PCDH9: variants seen among roughly 807,000 people sequenced by gnomAD.
The protein encoded by PCDH9 is protocadherin-9.
A neutral mutation model predicts 70.6 loss-of-function variants in PCDH9; 24 were observed. That is an observed-to-expected ratio of 0.34 (90% CI 0.25 to 0.48). PCDH9 has a LOEUF of 0.48. PCDH9 is among the 20% of genes least tolerant of loss of function. The pLI is 0.99. For synonymous variants in PCDH9, 562 were observed against 558.5 expected (o/e 1.01, Z -0.09); for missense variants, 1,281 against 1,503.6 (o/e 0.85, Z 2.45).
chr13:67,057,321 G>C (rs1409243914), intron 2 of PCDH9, among the ~76,000 whole-genome samples: 1 of 151,742 alleles, frequency 6.6e-6, no homozygotes, highest in Non-Finnish European at 1.5e-5. Context: ...ATGAGCTTGG[G>C]AAAGAGGTGC....
chr13:67,136,758 G>A (rs2087242393), intron 2 of PCDH9, among the ~76,000 whole-genome samples: 1 of 122,892 alleles, frequency 8.1e-6, no homozygotes, highest in East Asian at 2.1e-4. Context: ...ACAAATGTTA[G>A]TTAATAATAA....
chr13:67,183,122 C>T (rs1054837216), intron 2 of PCDH9, among the ~76,000 whole-genome samples: 7 of 151,964 alleles, frequency 4.6e-5, no homozygotes, highest in African/African-American at 1.4e-4. Flanking sequence ...CTATTTTATG[C>T]CTGGCACTTT....
At chr13:67,131,687 G>A (rs2087115999) in intron 2 of PCDH9, among the ~76,000 whole-genome samples, 1 of 152,090 alleles carries the variant, frequency 6.6e-6, no homozygotes, top group Admixed American at 6.6e-5. Flanking sequence ...TAAAGAAATA[G>A]CATATCAAAG....
At chr13:66,445,262 T>G (rs1191750664) in intron 4 of PCDH9, among the ~76,000 whole-genome samples, 2 of 147,520 alleles carry the variant, frequency 1.4e-5, no homozygotes, top group Admixed American at 6.9e-5. Context: ...AGAAGATAAT[T>G]TCACTAAAAA....
At chr13:67,126,803 C>A (rs2086989747) in intron 2 of PCDH9, among the ~76,000 whole-genome samples, 1 of 152,104 alleles carries the variant, frequency 6.6e-6, no homozygotes, top group African/African-American at 2.4e-5. Flanking sequence ...TGAGCAGAGA[C>A]TGCGCCACTG....
chr13:67,136,858 TAAG>T (rs1465716722), intron 2 of PCDH9, among the ~76,000 whole-genome samples: 1 of 152,108 alleles, frequency 6.6e-6, no homozygotes, highest in Non-Finnish European at 1.5e-5. Context: ...GGTTAGTTTA[TAAG>T]AATAGTAATA....
In PCDH9 at chr13:66,497,814, CTTT is replaced by C. The variant is rs763360211; in HGVS notation, c.3340+133393_3340+133395del. Among the ~76,000 whole-genome samples, 422 of 111,308 alleles carry C rather than the reference CTTT, an allele frequency of 3.8e-3. 1 individual carries two copies. Among genetic ancestry groups the C allele is most frequent in the African/African-American group, 0.013 (398 of 31,732 alleles). 73.0% of individuals were successfully genotyped at this position (111,308 alleles called of 152,430 possible). The stretch of plus-strand genomic sequence containing the variant: ...AGAAAAAGTGCTATACACACTCTTA[CTTT>C]TTTTTTTTTTTTTTTTTTTGAGATG... On this transcript the variant is annotated intron_variant, in intron 4 of 4. Transcript: ENST00000377865.
chr13:66,811,264 G>C (rs997637490), intron 3 of PCDH9, among the ~76,000 whole-genome samples: 6 of 152,176 alleles, frequency 3.9e-5, no homozygotes, highest in African/African-American at 1.4e-4. Context: ...AGATATTCTT[G>C]CTTGCTATTT....
At chr13:66,419,627 T>C (rs61957606) in intron 4 of PCDH9, among the ~76,000 whole-genome samples, 100 of 152,106 alleles carry the variant, frequency 6.6e-4, no homozygotes, top group Non-Finnish European at 1.1e-3. Context: ...CCAGCCAAGA[T>C]GCTATGCTTT....
chr13:67,065,457 G>A (rs2085628874), intron 2 of PCDH9, among the ~76,000 whole-genome samples: 1 of 151,836 alleles, frequency 6.6e-6, no homozygotes, highest in Non-Finnish European at 1.5e-5. Flanking sequence ...AACTTCAACT[G>A]CAGTAAAACC....
intron 4 of PCDH9, among the ~76,000 whole-genome samples, chr13:66,589,335 G>A (rs1289523635): frequency 1.3e-5 from 2 of 151,846 alleles, no homozygotes; most frequent in East Asian, 1.9e-4. Context: ...GATGACTATA[G>A]GTAACAAAAA....
intron 3 of PCDH9, among the ~76,000 whole-genome samples, chr13:66,869,671 TA>T (rs2081638589): frequency 6.6e-6 from 1 of 152,276 alleles, no homozygotes; most frequent in Non-Finnish European, 1.5e-5. Flanking sequence ...AAAGAACTGT[TA>T]AAAAATTAGA....
At chr13:66,711,114 C>T (rs960709477) in intron 3 of PCDH9, among the ~76,000 whole-genome samples, 4 of 152,108 alleles carry the variant, frequency 2.6e-5, no homozygotes, top group Admixed American at 6.5e-5. Flanking sequence ...ATTTCTTCCC[C>T]ACAGTACGTT....
rs1955676338 is a variant in PCDH9 at position 66,317,567 on chromosome 13, C to T, written c.3341-12539G>A. Among the ~76,000 whole-genome samples the T allele has an allele frequency of 2.0e-5, 3 of 152,098 alleles. No individual in the cohort carries two copies. The South Asian group carries it at 6.2e-4, about 32-fold the overall frequency. ...TTCTTTAACCATCAGAGCTTTTAGT[C>T]TTCAGAAATCCAGATTCACAGGATA... On this transcript the variant is annotated intron_variant, in intron 4 of 4. Transcript: ENST00000377865.
chr13:67,060,621 T>C (rs949931019), intron 2 of PCDH9, among the ~76,000 whole-genome samples: 14 of 152,106 alleles, frequency 9.2e-5, no homozygotes, highest in African/African-American at 3.4e-4. Flanking sequence ...ATTATCACCA[T>C]ATAATAGAAA....
chr13:67,180,875 T>C (rs140568685), intron 2 of PCDH9, among the ~76,000 whole-genome samples: 22 of 152,304 alleles, frequency 1.4e-4, no homozygotes, highest in East Asian at 5.8e-4. Context: ...TGCTGGCTCA[T>C]GTTCAGGGAT....
At chr13:67,153,059 G>C (rs146341943) in intron 2 of PCDH9, among the ~76,000 whole-genome samples, 2 of 151,842 alleles carry the variant, frequency 1.3e-5, no homozygotes, top group Admixed American at 1.3e-4. Flanking sequence ...GGACATGCTC[G>C]CCTCTCCCTC....
chr13:67,213,289 GT>G (rs1221924050), intron 2 of PCDH9: 1 of 141,576 alleles, frequency 7.1e-6, no homozygotes, highest in Non-Finnish European at 1.5e-5. Flanking sequence ...ACATAAAATG[GT>G]AGCCTTTTGA....
rs66460017 is a variant in PCDH9, at chr13:67,214,935, GATATAT to G, written c.3036+10464_3036+10469del. 848 of 89,262 alleles carry G rather than the reference GATATAT, an allele frequency of 9.5e-3. 44 individuals carry two copies. Among genetic ancestry groups the G allele is most frequent in the African/African-American group, 0.029 (648 of 22,482 alleles). The allele number at this position is 89,262 out of a possible 1,614,324, so 5.5% of individuals were successfully genotyped here. ...CTGAGTGTCTGGCTATTGCGAGCCA[GATATAT>G]ATATATATATATATATATATATATA... On this transcript the variant is annotated intron_variant, in intron 2 of 4. Coordinates refer to ENST00000377865, the MANE Select transcript of PCDH9 (RefSeq NM_203487.3).
Sources: allele counts gnomAD v4.1 joint callset (sites outside exome capture counted in the v4.1 genomes callset), GRCh38; gene constraint gnomAD v4.1.1; transcripts MANE v1.5; gene names NCBI Gene and HGNC (gene_info 2026-07-23, HGNC 2026-07-21).